The following INPP4B variants were observed in gnomAD, a reference collection of about 807,000 sequenced individuals.
The protein encoded by INPP4B is inositol polyphosphate 4-phosphatase type II.
In INPP4B, 55 loss-of-function variants were observed where a neutral mutation model predicts 122.5. The observed-to-expected ratio is 0.45, with a 90% CI of 0.36 to 0.56. The LOEUF is 0.56. INPP4B is among the 20% of genes least tolerant of loss of function. The pLI is 0.00. For missense variants in INPP4B, 1,000 were observed against 1,097.7 expected, an observed-to-expected ratio of 0.91 and a Z score of 1.26; for synonymous variants, 403 against 388.7, an observed-to-expected ratio of 1.04 and a Z score of -0.43.
intron 1 of INPP4B, among the ~76,000 whole-genome samples, chr4:142,749,694 A>T (rs1279523174): frequency 6.6e-6 from 1 of 152,062 alleles, no homozygotes; most frequent in Non-Finnish European, 1.5e-5. Context: ...CACAGTGCTG[A>T]TACAATTCTT....
intron 1 of INPP4B, among the ~76,000 whole-genome samples, chr4:142,818,460 G>GTA (rs1264439204): frequency 6.6e-6 from 1 of 151,912 alleles, no homozygotes; most frequent in Non-Finnish European, 1.5e-5. Context: ...GTGTGTGTGT[G>GTA]TATTTCCAGT....
At chr4:142,202,794 G>C (rs946694476) in intron 14 of INPP4B, 2 of 985,116 alleles carry the variant, frequency 2.0e-6, no homozygotes, top group African/African-American at 1.7e-5. Flanking sequence ...AAAACAATGA[G>C]AGTGGGCGGG....
chr4:142,391,969 A>G (rs558236278), intron 7 of INPP4B, among the ~76,000 whole-genome samples: 29 of 152,280 alleles, frequency 1.9e-4, no homozygotes, highest in African/African-American at 7.0e-4. Flanking sequence ...GTAAATTATT[A>G]TGCTACAGTG....
chr4:142,810,460 C>T (rs1779373519), intron 1 of INPP4B, among the ~76,000 whole-genome samples: 1 of 152,104 alleles, frequency 6.6e-6, no homozygotes, highest in Non-Finnish European at 1.5e-5. Context: ...CACCTTGATC[C>T]ATCAGCATTA....
At chr4:142,279,680 C>T (rs1158924051) in intron 9 of INPP4B, among the ~76,000 whole-genome samples, 1 of 151,800 alleles carries the variant, frequency 6.6e-6, no homozygotes, top group Non-Finnish European at 1.5e-5. Context: ...GTGAACTGGA[C>T]TTAGGTTCTT....
rs1324957442 is a variant in INPP4B, at chr4:142,256,048, T to A, written c.688+4444A>T. On this transcript the variant is annotated intron_variant, in intron 11 of 25. Coordinates refer to ENST00000262992, the MANE Select transcript of INPP4B (RefSeq NM_001101669.3). ...TCAAACTAGAACTCAGGATTAAGAATCTCACTCAAAACTGCTCAACTACAT... is the reference window on the plus strand; with the variant it reads ...TCAAACTAGAACTCAGGATTAAGAAACTCACTCAAAACTGCTCAACTACAT... Among the ~76,000 whole-genome samples the A allele has an allele frequency of 8.6e-5, 13 of 150,838 alleles. No individual in the cohort carries two copies. In the East Asian group the frequency reaches 2.5e-3, roughly 29 times the overall value.
intron 2 of INPP4B, among the ~76,000 whole-genome samples, chr4:142,513,009 A>C (rs1028337164): frequency 2.0e-4 from 30 of 152,350 alleles, no homozygotes; most frequent in Middle Eastern, 3.4e-3. Context: ...TTTTCACATC[A>C]TATATTAAGA....
chr4:142,256,759 C>T (rs1376689816), intron 11 of INPP4B, among the ~76,000 whole-genome samples: 4 of 152,100 alleles, frequency 2.6e-5, no homozygotes, highest in Non-Finnish European at 5.9e-5. Context: ...GATTCACAGC[C>T]GAATTCTACC....
chr4:142,702,436 A>G (rs932618136), intron 2 of INPP4B, among the ~76,000 whole-genome samples: 1 of 152,146 alleles, frequency 6.6e-6, no homozygotes, highest in African/African-American at 2.4e-5. Context: ...TAAAGCATGA[A>G]CTTCGAGGCC....
intron 7 of INPP4B, chr4:142,347,433 C>T (rs1262976508): frequency 2.4e-6 from 1 of 410,496 alleles, no homozygotes; most frequent in Non-Finnish European, 4.8e-6. Flanking sequence ...TTATGAAGCA[C>T]TTGAAGTATT....
intron 25 of INPP4B, among the ~76,000 whole-genome samples, chr4:142,030,943 T>A (rs907785661): frequency 2.6e-5 from 4 of 152,288 alleles, no homozygotes; most frequent in African/African-American, 9.6e-5. Context: ...CCTGCTCATC[T>A]TCTTTAGATA....
chr4:142,326,560 T>C (rs547064728), intron 7 of INPP4B, among the ~76,000 whole-genome samples: 1 of 152,302 alleles, frequency 6.6e-6, no homozygotes, highest in South Asian at 2.1e-4. Context: ...CTTCCACCAC[T>C]GCCTCCATCC....
intron 10 of INPP4B, among the ~76,000 whole-genome samples, chr4:142,260,781 T>C (rs1739574128): frequency 6.6e-6 from 1 of 152,168 alleles, no homozygotes; most frequent in Non-Finnish European, 1.5e-5. Flanking sequence ...ATTAGATAAT[T>C]GTAGAGGGTA....
intron 25 of INPP4B, among the ~76,000 whole-genome samples, chr4:142,035,382 C>G (rs1284395391): frequency 6.6e-6 from 1 of 152,130 alleles, no homozygotes; most frequent in Admixed American, 6.5e-5. Context: ...ATGCTGTGAG[C>G]CGAGATATTT....
chr4:142,500,067 C>A (rs1311430282), intron 2 of INPP4B, among the ~76,000 whole-genome samples: 5 of 152,156 alleles, frequency 3.3e-5, no homozygotes, highest in Admixed American at 6.5e-5. Context: ...CCACAACAAG[C>A]TCTAAACATT....
At chr4:142,187,114 C>A (rs534655241) in intron 15 of INPP4B, among the ~76,000 whole-genome samples, 29 of 151,932 alleles carry the variant, frequency 1.9e-4, no homozygotes, top group African/African-American at 5.6e-4. Context: ...CCCAAGGAAT[C>A]AAATTATAAT....
At chr4:142,244,489 G>C (rs1226061856) in intron 11 of INPP4B, among the ~76,000 whole-genome samples, 5 of 151,826 alleles carry the variant, frequency 3.3e-5, no homozygotes, top group African/African-American at 1.2e-4. Flanking sequence ...ATTTTTAGTA[G>C]AGGCAGGGTT....
At chr4:142,509,205 C>T (rs145388833) in intron 2 of INPP4B, among the ~76,000 whole-genome samples, 50 of 152,284 alleles carry the variant, frequency 3.3e-4, no homozygotes, top group African/African-American at 6.5e-4. Context: ...CACTTCCTGA[C>T]GGTAGCAACG....
intron 21 of INPP4B, among the ~76,000 whole-genome samples, chr4:142,121,612 A>G (rs1796571241): frequency 6.6e-6 from 1 of 152,040 alleles, no homozygotes; most frequent in East Asian, 1.9e-4. Context: ...TGACCTTCGA[A>G]GCTATTTATT....
Sources: allele counts gnomAD v4.1 joint callset (sites outside exome capture counted in the v4.1 genomes callset), GRCh38; gene constraint gnomAD v4.1.1; transcripts MANE v1.5; gene names NCBI Gene and HGNC (gene_info 2026-07-23, HGNC 2026-07-21).